MINDY4B: variants seen among roughly 807,000 people sequenced by gnomAD.
The protein encoded by MINDY4B is inactive ubiquitin carboxyl-terminal hydrolase MINDY-4B.
MINDY4B carries 25 observed loss-of-function variants against 16.7 expected under a neutral mutation model. The ratio of observed to expected loss-of-function variants is 1.49; its 90% confidence interval spans 1.09 to 2.09. MINDY4B has a LOEUF of 2.09. Ranked by LOEUF, MINDY4B falls within the 30% of genes most tolerant of loss-of-function variation. The pLI is 0.00. For synonymous variants in MINDY4B, 132 were observed against 61.9 expected (o/e 2.13, Z -5.32); for missense variants, 327 against 168.4 (o/e 1.94, Z -5.21).
At chr3:150,876,086 C>A (rs556596005) in intron 10 of MINDY4B, among the ~76,000 whole-genome samples, 1 of 152,218 alleles carries the variant, frequency 6.6e-6, no homozygotes, top group South Asian at 2.1e-4. Context: ...CTTCATGTTG[C>A]CATGGTAAAA....
chr3:150,893,215 G>A, intron 5 of MINDY4B, 109 bp downstream of exon 5: 1 of 671,084 alleles, frequency 1.5e-6, no homozygotes, highest in Admixed American at 2.1e-5. Flanking sequence ...TTCTGTCTTA[G>A]GAGGTAGATT....
intron 10 of MINDY4B, among the ~76,000 whole-genome samples, chr3:150,873,953 A>G (rs1717029007): frequency 6.6e-6 from 1 of 151,336 alleles, no homozygotes; most frequent in Non-Finnish European, 1.5e-5. Flanking sequence ...GTTCCTAGAC[A>G]GCAGCTTGTT....
At chr3:150,873,966 C>T (rs923071105) in intron 10 of MINDY4B, among the ~76,000 whole-genome samples, 3 of 139,130 alleles carry the variant, frequency 2.2e-5, no homozygotes, top group Non-Finnish European at 4.6e-5. Context: ...AGCTTGTTAT[C>T]GGTTTTTTTC....
chr3:150,884,620 G>A lies in MINDY4B; in HGVS notation c.824+748C>T, dbSNP rs549216855. On this transcript the variant is annotated intron_variant, in intron 8 of 11. Transcript: ENST00000465419. ...GTATTGATTTTATTTTTAATGTTAA[G>A]TGAATGATAACATACAGCATAAAAT... Among the ~76,000 whole-genome samples, 4 of 138,592 alleles carry A rather than the reference G, an allele frequency of 2.9e-5. No individual in the cohort carries two copies. In the South Asian group the frequency reaches 9.9e-4, roughly 34 times the overall value. 90.9% of individuals were successfully genotyped at this position (138,592 alleles called of 152,430 possible).
intron 10 of MINDY4B, among the ~76,000 whole-genome samples, chr3:150,878,753 G>T (rs769147465): frequency 1.4e-4 from 21 of 152,200 alleles, no homozygotes; most frequent in Non-Finnish European, 2.5e-4. Context: ...CCTCTTCCCA[G>T]CAGGAAAGCT....
intron 3 of MINDY4B, chr3:150,901,339 TTAAG>T (rs1474605067): frequency 1.3e-5 from 2 of 152,134 alleles, no homozygotes; most frequent in African/African-American, 4.8e-5. Context: ...AGGACAGCGA[TTAAG>T]TATCTATATA....
chr3:150,872,503 T>C (rs150944306), intron 11 of MINDY4B, among the ~76,000 whole-genome samples: 154 of 152,310 alleles, frequency 1.0e-3, no homozygotes, highest in Non-Finnish European at 1.7e-3. Context: ...TTTAAAGACA[T>C]TTTAAGGTTG....
intron 3 of MINDY4B, among the ~76,000 whole-genome samples, chr3:150,894,834 A>G (rs1251848975): frequency 6.6e-6 from 1 of 152,254 alleles, no homozygotes; most frequent in Non-Finnish European, 1.5e-5. Flanking sequence ...TCTATTCAAA[A>G]TCAAAGACTG....
intron 5 of MINDY4B, among the ~76,000 whole-genome samples, chr3:150,892,934 T>C (rs772457622): frequency 1.5e-5 from 2 of 132,108 alleles, no homozygotes; most frequent in African/African-American, 5.6e-5. Flanking sequence ...GAGTGAGACT[T>C]TGTTGCAAAA....
intron 3 of MINDY4B, chr3:150,901,166 AG>A (rs1291619153): frequency 6.6e-6 from 1 of 152,260 alleles, no homozygotes; most frequent in Non-Finnish European, 1.5e-5. Flanking sequence ...GCAGAAGCCA[AG>A]AATACATTTT....
At chr3:150,874,884 TA>T (rs1326536453) in intron 10 of MINDY4B, among the ~76,000 whole-genome samples, 1 of 152,244 alleles carries the variant, frequency 6.6e-6, no homozygotes, top group Non-Finnish European at 1.5e-5. Flanking sequence ...CTTTTGTCTG[TA>T]AGTGTTTCAC....
chr3:150,875,467 G>A (rs1711496103), intron 10 of MINDY4B, among the ~76,000 whole-genome samples: 1 of 152,276 alleles, frequency 6.6e-6, no homozygotes, highest in African/African-American at 2.4e-5. Flanking sequence ...CTGGGTAGGT[G>A]TAATAGAATA....
In MINDY4B at chr3:150,904,055, G is replaced by C. The variant is rs114219284; in HGVS notation, c.142-639C>G. 1.2e-3 allele frequency among the ~76,000 whole-genome samples: 188 copies of C among 152,226 alleles called. No homozygotes were observed. In the South Asian group the frequency reaches 0.013, roughly 11 times the overall value. Reference sequence around the variant, plus strand: ...GTCCTATTGGTGGCTGAAACATGAGGGAAACCACCTTCTTAGTTTTTCTGT... The same window carrying C: ...GTCCTATTGGTGGCTGAAACATGAGCGAAACCACCTTCTTAGTTTTTCTGT... On this transcript the variant is annotated intron_variant, in intron 2 of 11. Transcript: ENST00000465419.
rs533404222 is a variant in MINDY4B at position 150,895,931 on chromosome 3, C to A, written c.310-1626G>T. On this transcript the variant is annotated intron_variant, in intron 3 of 11. Transcript: ENST00000465419. ...GCTGGGGAAGTTTTCCTCTATTATT[C>A]CCCCAAATATGTTTTCCAAACTTTT... is the stretch of plus-strand genomic sequence containing the variant. Among the ~76,000 whole-genome samples, 3 of 152,130 alleles carry A rather than the reference C, an allele frequency of 2.0e-5. No individual in the cohort carries two copies. The South Asian group carries it at 6.2e-4, about 32-fold the overall frequency.
intron 3 of MINDY4B, among the ~76,000 whole-genome samples, chr3:150,900,278 T>C (rs1712084686): frequency 6.6e-6 from 1 of 152,180 alleles, no homozygotes; most frequent in South Asian, 2.1e-4. Context: ...GTGCGTAGGG[T>C]GCTTTACCCA....
chr3:150,882,768 G>T (rs1711542062), intron 10 of MINDY4B, 129 bp downstream of exon 10: 1 of 435,724 alleles, frequency 2.3e-6, no homozygotes, highest in Non-Finnish European at 4.1e-6. Flanking sequence ...TGTGTGGCAG[G>T]AGGGAGGTAC....
intron 3 of MINDY4B, among the ~76,000 whole-genome samples, chr3:150,899,597 G>A (rs186552611): frequency 1.3e-5 from 2 of 152,254 alleles, no homozygotes; most frequent in East Asian, 3.9e-4. Context: ...TTTCCTTTCA[G>A]GGCTCCCCAT....
chr3:150,903,445 A>G (rs1202901539), intron 2 of MINDY4B, 29 bp from the exon 3 acceptor site: 1 of 398,486 alleles, frequency 2.5e-6, no homozygotes, highest in Non-Finnish European at 4.4e-6. Context: ...CACAAAAGAC[A>G]AAGCAAACAG....
At chr3:150,884,941 C>A (rs1711584984) in intron 8 of MINDY4B, among the ~76,000 whole-genome samples, 1 of 152,192 alleles carries the variant, frequency 6.6e-6, no homozygotes, top group Non-Finnish European at 1.5e-5. Flanking sequence ...CTGGACTCTG[C>A]AGGAGGACAG....
Sources: gnomAD v4.1 joint callset for allele counts (sites outside exome capture counted in the v4.1 genomes callset) on GRCh38, gnomAD v4.1.1 for gene constraint, MANE v1.5 for transcripts, NCBI Gene and HGNC (gene_info 2026-07-23, HGNC 2026-07-21) for gene names.